The following SIRPG variants were observed in gnomAD, a reference collection of about 807,000 sequenced individuals.
SIRPG encodes the protein signal-regulatory protein gamma.
SIRPG carries 38 observed loss-of-function variants against 35.7 expected under a neutral mutation model. That is an observed-to-expected ratio of 1.06 (90% CI 0.82 to 1.40). The LOEUF (loss-of-function observed/expected upper bound fraction) is 1.40. Among genes scored for constraint, SIRPG ranks in the 40% most tolerant of loss-of-function variants. SIRPG has a pLI of 0.00. For synonymous variants in SIRPG, 215 were observed against 190.4 expected, an observed-to-expected ratio of 1.13 and a Z score of -1.06; for missense variants, 519 against 483.0, an observed-to-expected ratio of 1.07 and a Z score of -0.70.
chr20:1,636,416 A>G lies in SIRPG; in HGVS notation c.520T>C (p.Ser174Pro), dbSNP rs767157809. 11 of 1,614,190 alleles carry G rather than the reference A, an allele frequency of 6.8e-6. No homozygotes were observed. In the East Asian group the frequency reaches 2.5e-4, roughly 36 times the overall value. ...CATTTCAGGGTGATGTCTCTGGGAGAGAAGCCATGGGACTCACAGGTGAAA... is the reference window on the plus strand; with the variant it reads ...CATTTCAGGGTGATGTCTCTGGGAGGGAAGCCATGGGACTCACAGGTGAAA... Reference protein sequence around the residue: ...VSFTCESHGFSPRDITLKWFK... With the variant: ...VSFTCESHGFPPRDITLKWFK... Residue 174 changes from serine (S) to proline (P), a missense_variant, in exon 3 of 6, where the codon TCT (serine) becomes CCT (proline). Physicochemically the swap from Ser to Pro is moderately conservative, Grantham distance 74. Coordinates refer to ENST00000303415, the MANE Select transcript of SIRPG (RefSeq NM_018556.4).
Position 1,650,002 on chromosome 20 carries a change from GTGTATATA to G in SIRPG, c.74-602_74-595del, listed in dbSNP as rs1460508931. 1.4e-3 allele frequency among the ~76,000 whole-genome samples: 110 copies of G among 81,378 alleles called. 3 individuals carry two copies. The highest frequency in any genetic ancestry group is 5.1e-3 in the Middle Eastern group (1 of 198). 53.4% of individuals were successfully genotyped at this position (81,378 alleles called of 152,430 possible). A position where few individuals can be genotyped will look rare whatever the true frequency, so the allele number is the denominator to read the frequency against. On this transcript the variant is annotated intron_variant, in intron 1 of 5. Coordinates refer to ENST00000303415, the MANE Select transcript of SIRPG (RefSeq NM_018556.4). Reference sequence around the variant, plus strand: ...GAACTCCTGAACTCTACTTTGAAGTGTGTATATATATATATATATATATATGTCATATA... The same window carrying G: ...GAACTCCTGAACTCTACTTTGAAGTGTATATATATATATATATGTCATATA...
At chr20:1,655,854 GAACC>G (rs1313158676) in intron 1 of SIRPG, among the ~76,000 whole-genome samples, 2 of 151,804 alleles carry the variant, frequency 1.3e-5, no homozygotes, top group Non-Finnish European at 2.9e-5. Context: ...AATAGAAAGA[GAACC>G]AATGATTAAA....
chr20:1,678,931 T>C, the SIRPG span, among the ~76,000 whole-genome samples: 1 of 152,212 alleles, frequency 6.6e-6, no homozygotes, highest in Non-Finnish European at 1.5e-5. Flanking sequence ...AGAGGAATGA[T>C]ATGTTTAAAA....
intron 2 of SIRPG, among the ~76,000 whole-genome samples, chr20:1,640,780 T>TC (rs2091845927): frequency 6.6e-6 from 1 of 152,164 alleles, no homozygotes; most frequent in African/African-American, 2.4e-5. Flanking sequence ...TGAGATATGT[T>TC]CCGTTAATAC....
At chr20:1,668,278 C>A in the SIRPG span, among the ~76,000 whole-genome samples, 7 of 102,138 alleles carry the variant, frequency 6.9e-5, no homozygotes, top group Non-Finnish European at 1.1e-4. Context: ...TTCTTTCTTT[C>A]TTTTCTTTCT....
rs2122590666 is a variant in SIRPG at position 1,657,675 on chromosome 20, A to G, written c.40T>C (p.Phe14Leu). 2 of 1,614,200 alleles carry G rather than the reference A, an allele frequency of 1.2e-6. 1 individual carries two copies. Among genetic ancestry groups the G allele is most frequent in the East Asian group, 4.5e-5 (2 of 44,872 alleles). Residue 14 changes from phenylalanine to leucine, a missense_variant, in exon 1 of 6, where the codon TTC becomes CTC. Phe to Leu is a conservative substitution (Grantham distance 22). Transcript: ENST00000303415. ...CCCAGCAGTAGAGTCAGAAGCAGGAAAGGACCAGGAGGATGGGGCCAGGAG... is the reference window on the plus strand; with the variant it reads ...CCCAGCAGTAGAGTCAGAAGCAGGAGAGGACCAGGAGGATGGGGCCAGGAG... ...PASWPHPPGP[F>L]LLLTLLLGLT...
chr20:1,641,251 G>A (rs112031631), intron 2 of SIRPG, among the ~76,000 whole-genome samples: 1 of 152,128 alleles, frequency 6.6e-6, no homozygotes, highest in Non-Finnish European at 1.5e-5. Context: ...GGCTTTTTTT[G>A]GTTGGTAGGC....
upstream of SIRPG, among the ~76,000 whole-genome samples, chr20:1,661,713 T>G (rs1018523175): frequency 3.3e-5 from 5 of 152,210 alleles, no homozygotes; most frequent in Admixed American, 3.3e-4. Flanking sequence ...GCCATGAGAC[T>G]GGGACAATCC....
chr20:1,637,339 A>G, intron 2 of SIRPG: 1 of 204,812 alleles, frequency 4.9e-6, no homozygotes, highest in Non-Finnish European at 1.1e-5. Context: ...ATAACAATGG[A>G]CTGAAGTCAA....
At chr20:1,686,274 G>T in the SIRPG span, among the ~76,000 whole-genome samples, 1 of 152,004 alleles carries the variant, frequency 6.6e-6, no homozygotes, top group Non-Finnish European at 1.5e-5. Flanking sequence ...AAGCCCAGGG[G>T]CAGGGATTTC....
chr20:1,652,153 T>C (rs1028123022), intron 1 of SIRPG, among the ~76,000 whole-genome samples: 2 of 152,124 alleles, frequency 1.3e-5, no homozygotes, highest in Non-Finnish European at 2.9e-5. Flanking sequence ...AAACAAAAAA[T>C]AAAACAAAAC....
At chr20:1,635,707 G>C (rs2091793435) in intron 3 of SIRPG, 108 bp from the exon 4 acceptor site, 2 of 1,167,054 alleles carry the variant, frequency 1.7e-6, no homozygotes, top group Non-Finnish European at 2.4e-6. Context: ...CCAGGACAGT[G>C]CTAGGCAGGC....
chr20:1,666,000 C>T, the SIRPG span, among the ~76,000 whole-genome samples: 5 of 151,892 alleles, frequency 3.3e-5, no homozygotes, highest in African/African-American at 1.2e-4. Context: ...GGGTTATGGC[C>T]CCTGAAGGCC....
At chr20:1,650,586 C>T (rs905257683) in intron 1 of SIRPG, among the ~76,000 whole-genome samples, 2 of 151,736 alleles carry the variant, frequency 1.3e-5, no homozygotes, top group South Asian at 2.1e-4. Flanking sequence ...GTATAGAGAA[C>T]AGAATCTAAG....
chr20:1,631,163 T>C (rs1313015376), intron 4 of SIRPG, among the ~76,000 whole-genome samples: 1 of 152,160 alleles, frequency 6.6e-6, no homozygotes, highest in Admixed American at 6.5e-5. Flanking sequence ...ATTAAAGATA[T>C]TACAGTATAT....
chr20:1,682,472 G>C, the SIRPG span, among the ~76,000 whole-genome samples: 37 of 152,238 alleles, frequency 2.4e-4, 1 homozygote, highest in East Asian at 5.8e-3. Context: ...ACATTTTTAA[G>C]TGATAAAAAC....
At position 1,636,333 on chromosome 20, in the gene SIRPG, C is replaced by G. The variant is rs995344303; in HGVS notation, c.603G>C (p.Gln201His). 1 of 1,614,250 alleles carries G rather than the reference C, an allele frequency of 6.2e-7. No homozygotes were observed. The highest frequency in any genetic ancestry group is 8.5e-7 in the Non-Finnish European group (1 of 1,180,044). Residue 201 changes from glutamine to histidine, a missense_variant, in exon 3 of 6, where the codon CAG (glutamine) becomes CAC (histidine). By Grantham distance (24) the Gln-to-His change is conservative. Coordinates refer to ENST00000303415, the MANE Select transcript of SIRPG (RefSeq NM_018556.4). ...TGCTGCGGATGCTGTAGGCCACACT[C>G]TGTCCTGTGGGGTCCACGTTGGTCT... ...DFQTNVDPTGQSVAYSIRSTA... is the reference protein window; with the variant it reads ...DFQTNVDPTGHSVAYSIRSTA...
At chr20:1,662,954 G>A in the SIRPG span, among the ~76,000 whole-genome samples, 3 of 151,966 alleles carry the variant, frequency 2.0e-5, no homozygotes, top group Admixed American at 1.3e-4. Context: ...AAGGAAAGAA[G>A]AGAGTGAGCC....
At chr20:1,635,996 G>A (rs929621695) in intron 3 of SIRPG, among the ~76,000 whole-genome samples, 192 bp downstream of exon 3, 1 of 152,196 alleles carries the variant, frequency 6.6e-6, no homozygotes, top group African/African-American at 2.4e-5. Context: ...AGCTTGGCAC[G>A]TGATTGCTGG....
Sources: gnomAD v4.1 joint callset for allele counts (sites outside exome capture counted in the v4.1 genomes callset) on GRCh38, gnomAD v4.1.1 for gene constraint, MANE v1.5 for transcripts, NCBI Gene and HGNC (gene_info 2026-07-23, HGNC 2026-07-21) for gene names.